Variants in ENTPD3 observed in about 807,000 individuals in gnomAD.
The protein encoded by ENTPD3 is ectonucleoside triphosphate diphosphohydrolase 3.
A neutral mutation model predicts 51.2 loss-of-function variants in ENTPD3; 60 were observed. The ratio of observed to expected loss-of-function variants is 1.17; its 90% CI spans 0.95 to 1.45. The LOEUF (loss-of-function observed/expected upper bound fraction) is 1.45. Among genes scored for constraint, ENTPD3 ranks in the 40% most tolerant of loss-of-function variants. The pLI, the probability that ENTPD3 is intolerant of heterozygous loss-of-function variation, is 0.00. For synonymous variants in ENTPD3, 221 were observed against 238.4 expected (o/e 0.93, Z 0.67); for missense variants, 593 against 641.1 (o/e 0.93, Z 0.81).
At chr3:40,424,111 A>T in intron 10 of ENTPD3, 148 bp downstream of exon 10, 1 of 1,472,694 alleles carries the variant, frequency 6.8e-7, no homozygotes, top group Non-Finnish European at 9.0e-7. Flanking sequence ...TGAGTTTCCC[A>T]GAAGAGGTCA....
At chr3:40,399,149 A>T (rs937819794) in intron 3 of ENTPD3, among the ~76,000 whole-genome samples, 1 of 152,142 alleles carries the variant, frequency 6.6e-6, no homozygotes, top group Non-Finnish European at 1.5e-5. Context: ...TGAGCCTGAG[A>T]AGTTGAGGCT....
chr3:40,412,068 C>T (rs908718597), intron 5 of ENTPD3, 106 bp downstream of exon 5: 128 of 1,118,854 alleles, frequency 1.1e-4, no homozygotes, highest in Non-Finnish European at 1.4e-4. Context: ...CCTCGCCCCC[C>T]AAAAAGAAGC....
chr3:40,410,262 A>G lies in ENTPD3; in HGVS notation c.287-1550A>G, dbSNP rs542268590. Among the ~76,000 whole-genome samples the G allele has an allele frequency of 3.3e-5, 5 of 152,054 alleles. No individual in the cohort carries two copies. The South Asian group carries it at 1.0e-3, about 32-fold the overall frequency. ...TCGAGACCAGCCTGGCCAACATGGC[A>G]AAACTCTGTCTCTACAAAAAATACA... On this transcript the variant is annotated intron_variant, in intron 4 of 10. Coordinates refer to ENST00000301825, the MANE Select transcript of ENTPD3 (RefSeq NM_001248.4).
intron 7 of ENTPD3, among the ~76,000 whole-genome samples, chr3:40,421,414 C>T (rs1256218313): frequency 6.6e-6 from 1 of 152,068 alleles, no homozygotes; most frequent in East Asian, 1.9e-4. Context: ...AAAGAGAGTT[C>T]ATAAATTGAA....
At chr3:40,413,633 T>A (rs1262663246) in intron 5 of ENTPD3, among the ~76,000 whole-genome samples, 1 of 152,086 alleles carries the variant, frequency 6.6e-6, no homozygotes, top group Non-Finnish European at 1.5e-5. Context: ...CAGTGAGAAA[T>A]AATTAAAAGG....
At position 40,392,172 on chromosome 3, in the gene ENTPD3, A is replaced by G. The variant is rs774811502; in HGVS notation, c.168+22A>G. On this transcript the variant is annotated intron_variant, in intron 3 of 10. Coordinates refer to ENST00000301825, the MANE Select transcript of ENTPD3 (RefSeq NM_001248.4). The stretch of plus-strand genomic sequence containing the variant: ...GAAGGTAAGTGTGAAGGGACTGGCA[A>G]CAAAGGGAAGAAATGAGCATAAAGG... The G allele has an allele frequency of 8.1e-6, 13 of 1,611,698 alleles. No individual in the cohort carries two copies. The South Asian group carries it at 1.3e-4, about 16-fold the overall frequency.
rs761713139 is a variant in ENTPD3 at position 40,416,078 on chromosome 3, T to C, written c.831+5T>C. On this transcript the variant is annotated splice_donor_5th_base_variant and intron_variant, in intron 7 of 10. Coordinates refer to ENST00000301825, the MANE Select transcript of ENTPD3 (RefSeq NM_001248.4). Reference sequence around the variant, plus strand: ...TTTCTGGCAATGCTCCTGCAGGTACTTGAGTCGGGGGTAGGGGGTGGCAGG... The same window carrying C: ...TTTCTGGCAATGCTCCTGCAGGTACCTGAGTCGGGGGTAGGGGGTGGCAGG... The C allele has an allele frequency of 1.2e-6, 2 of 1,610,906 alleles. No homozygotes were observed. Among genetic ancestry groups the C allele is most frequent in the Non-Finnish European group, 8.5e-7 (1 of 1,177,552 alleles).
chr3:40,426,184 C>T (rs1026697877), intron 10 of ENTPD3, among the ~76,000 whole-genome samples: 1 of 144,454 alleles, frequency 6.9e-6, no homozygotes, highest in Non-Finnish European at 1.5e-5. Context: ...TCTTGGCTCA[C>T]TGCAGCCTCC....
intron 7 of ENTPD3, among the ~76,000 whole-genome samples, chr3:40,420,284 G>GGA (rs63486562): frequency 0.44 from 64,702 of 147,860 alleles, 17,176 homozygotes; most frequent in Non-Finnish European, 0.6. Context: ...CACCCAGGCT[G>GGA]GAGTGCAGTG....
intron 4 of ENTPD3, among the ~76,000 whole-genome samples, chr3:40,404,423 T>C (rs1955445083): frequency 1.3e-5 from 2 of 152,184 alleles, no homozygotes; most frequent in African/African-American, 2.4e-5. Flanking sequence ...AGTTACAAGA[T>C]CTCTGTCTTT....
Position 40,402,936 on chromosome 3 carries a change from G to A in ENTPD3, c.286+1925G>A, listed in dbSNP as rs75566889. Among the ~76,000 whole-genome samples the A allele has an allele frequency of 1.9e-4, 29 of 152,186 alleles. No homozygotes were observed. The East Asian group carries it at 5.6e-3, about 29-fold the overall frequency. ...TCAAAGCCACTTATCTTCCTCGTTC[G>A]AGCATTAGGATCTTCAGTTGGCCTG... On this transcript the variant is annotated intron_variant, in intron 4 of 10. Transcript: ENST00000301825.
intron 3 of ENTPD3, among the ~76,000 whole-genome samples, chr3:40,395,896 T>G (rs758945664): frequency 6.6e-6 from 1 of 152,200 alleles, no homozygotes; most frequent in Non-Finnish European, 1.5e-5. Context: ...ATCCCTGTAT[T>G]GCAGATGAGA....
At chr3:40,424,682 C>A in intron 10 of ENTPD3, 2 of 696,984 alleles carry the variant, frequency 2.9e-6, no homozygotes, top group Non-Finnish European at 5.2e-6. Flanking sequence ...GACCTCCATA[C>A]CTTGTTTTTA....
chr3:40,403,851 G>A (rs1228980189), intron 4 of ENTPD3, among the ~76,000 whole-genome samples: 1 of 151,922 alleles, frequency 6.6e-6, no homozygotes, highest in Non-Finnish European at 1.5e-5. Context: ...GTCTCACTAT[G>A]TTGCCCAGGC....
Position 40,411,941 on chromosome 3 carries a change from C to T in ENTPD3, c.416C>T (p.Thr139Met), listed in dbSNP as rs377644776. The change falls in exon 5 of 11, where the codon ACG (threonine) becomes ATG (methionine). Residue 139 changes from threonine (T) to methionine (M), a missense_variant. Coordinates refer to ENST00000301825, the MANE Select transcript of ENTPD3 (RefSeq NM_001248.4). ...TCCACCCCCATTCACCTGGGAGCCA[C>T]GGCTGGGATGCGCTTGCTGAGGTAA... is the stretch of plus-strand genomic sequence containing the variant. ...HGSTPIHLGA[T>M]AGMRLLRLQN... The T allele has an allele frequency of 5.9e-5, 95 of 1,610,864 alleles. No homozygotes were observed. The highest frequency in any genetic ancestry group is 4.9e-4 in the Admixed American group (29 of 59,432).
At chr3:40,388,597 C>CACACACACAG (rs1954993545) in intron 2 of ENTPD3, among the ~76,000 whole-genome samples, 1 of 146,848 alleles carries the variant, frequency 6.8e-6, no homozygotes, top group Non-Finnish European at 1.5e-5. Flanking sequence ...CACACACACA[C>CACACACACAG]ACACACACAC....
intron 2 of ENTPD3, among the ~76,000 whole-genome samples, chr3:40,390,010 T>C (rs1955017835): frequency 7.2e-5 from 11 of 152,236 alleles, no homozygotes; most frequent in Admixed American, 7.2e-4. Context: ...CACATGTGGT[T>C]ATTGAACACT....
At chr3:40,413,201 TGCTTAGA>T (rs1438790991) in intron 5 of ENTPD3, among the ~76,000 whole-genome samples, 1 of 152,214 alleles carries the variant, frequency 6.6e-6, no homozygotes, top group Non-Finnish European at 1.5e-5. Flanking sequence ...GGAGACTGAA[TGCTTAGA>T]GCTTAGTTTG....
intron 5 of ENTPD3, among the ~76,000 whole-genome samples, chr3:40,412,490 C>T (rs1031764494): frequency 6.6e-6 from 1 of 152,158 alleles, no homozygotes; most frequent in Non-Finnish European, 1.5e-5. Context: ...GTAGTCATGG[C>T]TTTTAGCCCA....
Sources: gnomAD v4.1 joint callset for allele counts (sites outside exome capture counted in the v4.1 genomes callset) on GRCh38, gnomAD v4.1.1 for gene constraint, MANE v1.5 for transcripts, NCBI Gene and HGNC (gene_info 2026-07-23, HGNC 2026-07-21) for gene names.